Variants in TTC39A observed in about 807,000 individuals in gnomAD.
TTC39A encodes tetratricopeptide repeat domain 39A.
Under a neutral mutation model 82.3 loss-of-function variants are expected in TTC39A, and 46 were observed. That is an observed-to-expected ratio of 0.56 (90% CI 0.44 to 0.71). The LOEUF (loss-of-function observed/expected upper bound fraction) is 0.71, where lower values mean the gene tolerates loss of function less well. TTC39A is among the 30% of genes least tolerant of loss of function. The pLI is 0.00. For synonymous variants in TTC39A, 254 were observed against 275.2 expected (o/e 0.92, Z 0.76); for missense variants, 543 against 712.9 (o/e 0.76, Z 2.71).
At chr1:51,332,345 C>G (rs1645923593), upstream of TTC39A, among the ~76,000 whole-genome samples, 1 of 152,244 alleles carries the variant, frequency 6.6e-6, no homozygotes, top group Admixed American at 6.5e-5. Context: ...ACCACAACCT[C>G]CGTCTCCTGG....
chr1:51,311,182 G>C, intron 5 of TTC39A, 72 bp downstream of exon 5: 1 of 1,433,630 alleles, frequency 7.0e-7, no homozygotes, highest in African/African-American at 1.4e-5. Context: ...TGCTCTAGGG[G>C]ATGGGTCATG....
At chr1:51,334,077 A>T (rs1487992157), upstream of TTC39A, among the ~76,000 whole-genome samples, 1 of 151,878 alleles carries the variant, frequency 6.6e-6, no homozygotes, top group African/African-American at 2.4e-5. Flanking sequence ...TTCATATATA[A>T]GCTGAGCATG....
intron 1 of TTC39A, among the ~76,000 whole-genome samples, chr1:51,322,598 GAAT>G (rs1447229857): frequency 4.7e-4 from 71 of 152,186 alleles, no homozygotes; most frequent in Admixed American, 1.0e-3. Flanking sequence ...ATGAATGAAT[GAAT>G]GAATGAATGA....
At position 51,311,238 on chromosome 1, in the gene TTC39A, A is replaced by G; in HGVS notation, c.423+16T>C. The G allele has an allele frequency of 1.3e-6, 2 of 1,569,060 alleles. No homozygotes were observed. The highest frequency in any genetic ancestry group is 8.6e-7 in the Non-Finnish European group (1 of 1,156,740). ...TTCTGAAATCCCAGCCTCTTTGTACAAGTGGGGGTCCCTACCTGCAGGAAG... is the reference window on the plus strand; with the variant it reads ...TTCTGAAATCCCAGCCTCTTTGTACGAGTGGGGGTCCCTACCTGCAGGAAG... On this transcript the variant is annotated intron_variant, in intron 5 of 17. Transcript: ENST00000680483.
chr1:51,290,155 G>A, intron 15 of TTC39A, 36 bp from the exon 16 acceptor site: 1 of 1,589,750 alleles, frequency 6.3e-7, no homozygotes, highest in Non-Finnish European at 8.6e-7. Flanking sequence ...AGACAGACTT[G>A]TTCATTTCTG....
At position 51,303,106 on chromosome 1, in the gene TTC39A, G is replaced by A. The variant is rs563904757; in HGVS notation, c.741C>T (p.His247=). 5.7e-4 allele frequency: 915 copies of A among 1,594,852 alleles called. 12 individuals carry two copies. The South Asian group carries it at 9.9e-3, about 17-fold the overall frequency. The change falls in exon 9 of 18, where the codon CAC becomes CAT. Residue 247 remains histidine, a synonymous_variant. Transcript: ENST00000680483. ...VLCVMLLLCY[H]TFLTFVLGTG... is the part of the protein sequence containing the mutation. ...TACCGAGCACGAAGGTGAGGAAGGTGTGGTAGCACAGCAGGAGCATGACAC... is the reference window on the plus strand; with the variant it reads ...TACCGAGCACGAAGGTGAGGAAGGTATGGTAGCACAGCAGGAGCATGACAC...
intron 14 of TTC39A, among the ~76,000 whole-genome samples, chr1:51,292,654 C>T (rs1644266299): frequency 6.6e-6 from 1 of 152,124 alleles, no homozygotes; most frequent in Admixed American, 6.5e-5. Flanking sequence ...TGGTCTTGAA[C>T]TCCTGGTCTC....
At position 51,312,188 on chromosome 1, in the gene TTC39A, T is replaced by G. The variant is rs1391228856; in HGVS notation, c.286A>C (p.Arg96=). The G allele has an allele frequency of 6.2e-7, 1 of 1,607,372 alleles. No homozygotes were observed. Among genetic ancestry groups the G allele is most frequent in the Non-Finnish European group, 8.5e-7 (1 of 1,177,020 alleles). ...AAGGAATCTGTTACAGAAGACTTCCTCCGGTGCCTGAAGAGGAAAAAGAGG... is the reference window on the plus strand; with the variant it reads ...AAGGAATCTGTTACAGAAGACTTCCGCCGGTGCCTGAAGAGGAAAAAGAGG... The part of the protein sequence containing the change: ...EAQMLCQRHR[R]KSSVTDSFSS... The change falls in exon 4 of 18, where the codon AGG becomes CGG. Residue 96 remains arginine (R), a synonymous_variant. Coordinates refer to ENST00000680483, the MANE Select transcript of TTC39A (RefSeq NM_001297663.2).
chr1:51,340,573 C>G (rs896247508), intron 1 of TTC39A, among the ~76,000 whole-genome samples: 1 of 152,182 alleles, frequency 6.6e-6, no homozygotes, highest in Non-Finnish European at 1.5e-5. Context: ...AGTGAGGAGC[C>G]TCTTCTTACT....
rs1645864847 is a variant in TTC39A at position 51,330,365 on chromosome 1, G to A, written c.41+72C>T. On this transcript the variant is annotated intron_variant, in intron 1 of 17. Coordinates refer to ENST00000680483, the MANE Select transcript of TTC39A (RefSeq NM_001297663.2). The surrounding 1 kb of genome is among the most constrained non-coding windows in gnomAD (Gnocchi z 4.5). ...GCCGGTGCGCGGGGGGAGGCCTGGC[G>A]CGGCGCCCGCCACCTGCCCGGGCCC... The A allele has an allele frequency of 2.1e-6, 2 of 942,140 alleles. No individual in the cohort carries two copies. The highest frequency in any genetic ancestry group is 1.8e-5 in the African/African-American group (1 of 56,050). The allele number at this position is 942,140 out of a possible 1,614,324, so 58.4% of individuals were successfully genotyped here.
intron 3 of TTC39A, 24 bp downstream of exon 3, chr1:51,312,787 GA>G (rs1368123808): frequency 6.2e-7 from 1 of 1,609,328 alleles, no homozygotes; most frequent in Admixed American, 1.7e-5. Flanking sequence ...CCCAACCTCT[GA>G]TCCCTGCCCC....
chr1:51,317,845 G>A (rs1275905246), intron 2 of TTC39A, among the ~76,000 whole-genome samples: 3 of 152,194 alleles, frequency 2.0e-5, no homozygotes, highest in Admixed American at 6.5e-5. Context: ...TACTTCCCAC[G>A]TGAGATAACA....
chr1:51,322,301 C>T (rs562837533), intron 1 of TTC39A: 1 of 1,418,408 alleles, frequency 7.1e-7, no homozygotes, highest in African/African-American at 1.4e-5. Flanking sequence ...TGGGCTGTCA[C>T]ACTATGGGTC....
Position 51,303,084 on chromosome 1 carries a change from C to G in TTC39A, c.763G>C (p.Gly255Arg). 2.5e-6 allele frequency: 4 copies of G among 1,587,940 alleles called. No individual in the cohort carries two copies. Among genetic ancestry groups the G allele is most frequent in the Non-Finnish European group, 3.4e-6 (4 of 1,167,632 alleles). Residue 255 changes from glycine to arginine, a missense_variant and splice_region_variant, in exon 9 of 18, where the codon GGT becomes CGT. Coordinates refer to ENST00000680483, the MANE Select transcript of TTC39A (RefSeq NM_001297663.2). ...GCCCCAGGTCCCCCTGTACACCTAC[C>G]GAGCACGAAGGTGAGGAAGGTGTGG... ...CYHTFLTFVL[G>R]TGNVNIEEAE... is the part of the protein sequence containing the mutation.
chr1:51,290,184 C>A, intron 15 of TTC39A, 65 bp from the exon 16 acceptor site: 1 of 1,470,200 alleles, frequency 6.8e-7, no homozygotes, highest in Non-Finnish European at 9.4e-7. Flanking sequence ...ACTTATGGAG[C>A]CCCCTACTTT....
intron 6 of TTC39A, among the ~76,000 whole-genome samples, chr1:51,308,890 G>A (rs1644975804): frequency 6.6e-6 from 1 of 152,152 alleles, no homozygotes; most frequent in African/African-American, 2.4e-5. Flanking sequence ...GGGGAAAGTG[G>A]CATTTGGACT....
rs1291488706 is a variant in TTC39A at position 51,294,789 on chromosome 1, G to A, written c.1146-278C>T. Among the ~76,000 whole-genome samples the A allele has an allele frequency of 6.6e-6, 1 of 152,146 alleles. No individual in the cohort carries two copies. Among genetic ancestry groups the A allele is most frequent in the Non-Finnish European group, 1.5e-5 (1 of 68,026 alleles). ...AGAGTGTGCCAAACACCCCTGGGCC[G>A]GCCCTGCCTCCTAGTTATCGCCTCC... On this transcript the variant is annotated intron_variant, in intron 13 of 17. Transcript: ENST00000680483. This position sits in a 1 kb window ranked among gnomAD's most constrained non-coding sequence, Gnocchi z 4.3.
At chr1:51,313,688 T>C (rs1205828785) in intron 2 of TTC39A, among the ~76,000 whole-genome samples, 1 of 152,142 alleles carries the variant, frequency 6.6e-6, no homozygotes, top group South Asian at 2.1e-4. Flanking sequence ...TTGCCCAGCC[T>C]GTTCCCTCAG....
upstream of TTC39A, among the ~76,000 whole-genome samples, chr1:51,333,143 C>T (rs1570019332): frequency 6.8e-6 from 1 of 146,350 alleles, no homozygotes; most frequent in African/African-American, 2.5e-5. Context: ...ACCCGGAAGG[C>T]GAAGGTTGCA....
Sources: gnomAD v4.1 joint callset for allele counts (sites outside exome capture counted in the v4.1 genomes callset) on GRCh38, gnomAD v4.1.1 for gene constraint, Gnocchi (gnomAD v3.1) non-coding constraint, MANE v1.5 for transcripts, NCBI Gene and HGNC (gene_info 2026-07-23, HGNC 2026-07-21) for gene names.